The following DNM1L variants were observed in gnomAD, a reference collection of about 807,000 sequenced individuals.
DNM1L encodes the protein dynamin 1L, also known as dynamin-1-like protein.
DNM1L carries 33 observed loss-of-function variants against 92.8 expected under a neutral mutation model. That is an observed-to-expected ratio of 0.36 (90% CI 0.27 to 0.48). The LOEUF (loss-of-function observed/expected upper bound fraction) is 0.48. DNM1L is among the 20% of genes least tolerant of loss of function. The pLI, the probability that DNM1L is intolerant of heterozygous loss-of-function variation, is 0.99. For missense variants in DNM1L, 485 were observed against 888.8 expected (o/e 0.55, Z 5.78); for synonymous variants, 284 against 305.0 (o/e 0.93, Z 0.72).
chr12:32,686,221 A>G (rs1039638009), intron 1 of DNM1L, among the ~76,000 whole-genome samples: 16 of 151,866 alleles, frequency 1.1e-4, no homozygotes, highest in Non-Finnish European at 2.9e-5. Context: ...CTAATTTTGT[A>G]TTTTTAGTAG....
intron 7 of DNM1L, among the ~76,000 whole-genome samples, chr12:32,719,257 A>AT (rs1328186434): frequency 2.0e-5 from 3 of 152,178 alleles, no homozygotes; most frequent in African/African-American, 4.8e-5. Flanking sequence ...CCCCATAGAC[A>AT]TTTTTACTGG....
intron 4 of DNM1L, among the ~76,000 whole-genome samples, chr12:32,708,598 T>TTA (rs1171423012): frequency 4.6e-5 from 7 of 152,078 alleles, no homozygotes; most frequent in East Asian, 1.9e-4. Context: ...ATTGTTTCAC[T>TTA]TATATATATA....
At chr12:32,703,469 A>G (rs1195056469) in intron 2 of DNM1L, among the ~76,000 whole-genome samples, 2 of 152,188 alleles carry the variant, frequency 1.3e-5, no homozygotes, top group African/African-American at 4.8e-5. Context: ...TCCTTAGAAT[A>G]AACAATTCTA....
intron 18 of DNM1L, among the ~76,000 whole-genome samples, chr12:32,741,832 G>A (rs1451878065): frequency 6.6e-6 from 1 of 152,124 alleles, no homozygotes; most frequent in Non-Finnish European, 1.5e-5. Flanking sequence ...TAGCTTAGGC[G>A]TGTCATAGGC....
At position 32,724,665 on chromosome 12, in the gene DNM1L, A is replaced by T. The variant is rs182797080; in HGVS notation, c.1079+2032A>T. On this transcript the variant is annotated intron_variant, in intron 9 of 19. Transcript: ENST00000549701. ...AAATTAAATATTTAATATATATATAAAAAATAATAATATATATAATAATAT... is the reference window on the plus strand; with the variant it reads ...AAATTAAATATTTAATATATATATATAAAATAATAATATATATAATAATAT... Among the ~76,000 whole-genome samples, 473 of 140,726 alleles carry T rather than the reference A, an allele frequency of 3.4e-3. 4 individuals carry two copies. The highest frequency in any genetic ancestry group is 7.9e-3 in the South Asian group (36 of 4,552). The allele number at this position is 140,726 out of a possible 152,430, so 92.3% of individuals were successfully genotyped here.
intron 1 of DNM1L, among the ~76,000 whole-genome samples, chr12:32,696,989 A>G (rs1380985092): frequency 6.6e-6 from 1 of 150,510 alleles, no homozygotes; most frequent in Non-Finnish European, 1.5e-5. Flanking sequence ...GACAGTAGGG[A>G]GGCCAAGGTG....
At chr12:32,692,325 A>ATTTG (rs780563480) in intron 1 of DNM1L, among the ~76,000 whole-genome samples, 9 of 152,056 alleles carry the variant, frequency 5.9e-5, no homozygotes, top group Non-Finnish European at 7.4e-5. Flanking sequence ...AATGTCTGGA[A>ATTTG]TTTGTTTGTT....
chr12:32,715,830 T>C (rs1953339385), intron 6 of DNM1L, among the ~76,000 whole-genome samples: 1 of 152,198 alleles, frequency 6.6e-6, no homozygotes, highest in Admixed American at 6.5e-5. Flanking sequence ...GGGAGTGGTG[T>C]AGTCATTTTG....
At chr12:32,732,161 A>G (rs1954598246) in intron 12 of DNM1L, among the ~76,000 whole-genome samples, 1 of 152,138 alleles carries the variant, frequency 6.6e-6, no homozygotes, top group African/African-American at 2.4e-5. Context: ...TATTTTAATC[A>G]TTGTTAGCCT....
chr12:32,716,114 A>G (rs929378698), intron 6 of DNM1L, among the ~76,000 whole-genome samples: 20 of 152,166 alleles, frequency 1.3e-4, no homozygotes, highest in South Asian at 1.0e-3. Context: ...TCTCAAATGC[A>G]TTATGCTAAA....
chr12:32,698,665 GA>G (rs1341965815), intron 1 of DNM1L, among the ~76,000 whole-genome samples: 1 of 151,504 alleles, frequency 6.6e-6, no homozygotes, highest in Non-Finnish European at 1.5e-5. Context: ...TTTTGACTAA[GA>G]AAAAAATAGA....
chr12:32,717,069 A>G (rs1268624074), intron 6 of DNM1L, among the ~76,000 whole-genome samples: 1 of 133,554 alleles, frequency 7.5e-6, no homozygotes. Flanking sequence ...ATATATATAC[A>G]TAGGTATATA....
chr12:32,707,633 G>A (rs1952976591), intron 3 of DNM1L, among the ~76,000 whole-genome samples: 1 of 152,122 alleles, frequency 6.6e-6, no homozygotes, highest in African/African-American at 2.4e-5. Context: ...ATTCTTAATT[G>A]TTGTGGGATC....
chr12:32,745,099 C>A lies in DNM1L; in HGVS notation c.*1689C>A, dbSNP rs748055772. On this transcript the variant is annotated 3_prime_UTR_variant, in exon 20 of 20. Transcript: ENST00000549701. The stretch of plus-strand genomic sequence containing the variant: ...TAAAAACCCCCACATCAGTCTGATA[C>A]GATATGGTACTACTTTGAATCTGTT... 1 of 460,946 alleles carries A rather than the reference C, an allele frequency of 2.2e-6. No homozygotes were observed. Among genetic ancestry groups the A allele is most frequent in the South Asian group, 1.7e-5 (1 of 58,902 alleles). 28.6% of individuals were successfully genotyped at this position (460,946 alleles called of 1,614,324 possible).
Position 32,743,079 on chromosome 12 carries a change from T to G in DNM1L, c.2155-275T>G, listed in dbSNP as rs573492143. On this transcript the variant is annotated intron_variant, in intron 19 of 19. Coordinates refer to ENST00000549701, the MANE Select transcript of DNM1L (RefSeq NM_012062.5). ...CCCAGCTAATTTTTTGTATTTTTAG[T>G]AGAGACGGGGTTTCACCATGTTAGC... Among the ~76,000 whole-genome samples the G allele has an allele frequency of 3.3e-5, 5 of 151,568 alleles. 1 individual carries two copies. The South Asian group carries it at 1.0e-3, about 32-fold the overall frequency.
intron 6 of DNM1L, among the ~76,000 whole-genome samples, chr12:32,714,268 C>T (rs946837563): frequency 6.9e-6 from 1 of 145,348 alleles, no homozygotes; most frequent in African/African-American, 2.6e-5. Context: ...GTCACTTTAA[C>T]AATTTTTTTT....
intron 6 of DNM1L, 40 bp downstream of exon 6, chr12:32,713,411 A>C: frequency 6.2e-7 from 1 of 1,606,152 alleles, no homozygotes. Context: ...CTTATTTTAC[A>C]ATGGTAAATC....
chr12:32,740,753 T>G (rs1325221378), intron 18 of DNM1L, among the ~76,000 whole-genome samples: 1 of 152,234 alleles, frequency 6.6e-6, no homozygotes, highest in Non-Finnish European at 1.5e-5. Context: ...TTTTGTTCTA[T>G]CTGGCTGCCA....
rs773591822 is a variant in DNM1L at position 32,736,067 on chromosome 12, C to CTT, written c.1540-1017_1540-1016dup. Among the ~76,000 whole-genome samples, 761 of 113,026 alleles carry CTT rather than the reference C, an allele frequency of 6.7e-3. 14 individuals are homozygous for CTT. Among genetic ancestry groups the CTT allele is most frequent in the African/African-American group, 0.013 (369 of 27,464 alleles). The allele number at this position is 113,026 out of a possible 152,430, so 74.1% of individuals were successfully genotyped here. On this transcript the variant is annotated intron_variant, in intron 13 of 19. Transcript: ENST00000549701. ...CTACAGATTTCTATATCTTCATAAT[C>CTT]TTTTTTTTTTTTTTTTTTTTTTAAG...
Sources: allele counts gnomAD v4.1 joint callset (sites outside exome capture counted in the v4.1 genomes callset), GRCh38; gene constraint gnomAD v4.1.1; transcripts MANE v1.5; gene names NCBI Gene and HGNC (gene_info 2026-07-23, HGNC 2026-07-21).